Variants in NOA1 observed in about 807,000 individuals in gnomAD.
The protein encoded by NOA1 is nitric oxide-associated protein 1.
A neutral mutation model predicts 58.4 loss-of-function variants in NOA1; 35 were observed. The observed-to-expected ratio is 0.60, with a 90% CI of 0.46 to 0.79. NOA1 has a LOEUF of 0.79. Ranked by LOEUF, NOA1 falls within the 30% of genes least tolerant of loss-of-function variation. The pLI is 0.00. For missense variants in NOA1, 895 were observed against 894.6 expected (o/e 1.00, Z -0.01); for synonymous variants, 397 against 373.4 (o/e 1.06, Z -0.73).
Position 56,966,699 on chromosome 4 carries a change from T to C in NOA1, c.1685A>G (p.Asn562Ser). 3 of 1,613,864 alleles carry C rather than the reference T, an allele frequency of 1.9e-6. No individual in the cohort carries two copies. Among genetic ancestry groups the C allele is most frequent in the East Asian group, 2.2e-5 (1 of 44,872 alleles). Residue 562 changes from asparagine to serine, a missense_variant, in exon 5 of 7, where the codon AAC (asparagine) becomes AGC (serine). By Grantham distance (46) the Asn-to-Ser change is conservative. This residue lies in a region of NOA1 where 212 missense variants were observed against 221.3 expected (regional missense o/e 0.96). Coordinates refer to ENST00000264230, the MANE Select transcript of NOA1 (RefSeq NM_032313.4). ...QSAWFTVVAS[N>S]ILPVHITSLD... Reference sequence around the variant, plus strand: ...GGAGGTGATATGCACAGGGAGGATGTTGGAAGCCACGACTGTAAACCAAGC... The same window carrying C: ...GGAGGTGATATGCACAGGGAGGATGCTGGAAGCCACGACTGTAAACCAAGC...
Position 56,974,250 on chromosome 4 carries a change from T to C in NOA1, c.1145-228A>G, listed in dbSNP as rs535785098. Among the ~76,000 whole-genome samples the C allele has an allele frequency of 3.3e-5, 5 of 152,306 alleles. No homozygotes were observed. In the South Asian group the frequency reaches 1.0e-3, roughly 32 times the overall value. Reference sequence around the variant, plus strand: ...ATTTTTATCACATTACCATTCAGTATAAAAGTAATTTTTCTGTAAAATTCA... The same window carrying C: ...ATTTTTATCACATTACCATTCAGTACAAAAGTAATTTTTCTGTAAAATTCA... On this transcript the variant is annotated intron_variant, in intron 1 of 6. Coordinates refer to ENST00000264230, the MANE Select transcript of NOA1 (RefSeq NM_032313.4).
Position 56,964,489 on chromosome 4 carries a change from G to C in NOA1, c.1802C>G (p.Pro601Arg). ...CATAATGTCTTCAGCAACAAGAGGA[G>C]GAAATCCTGCCATTCGTTCTTTTCC... The part of the protein sequence containing the change: ...MGGKERMAGF[P>R]PLVAEDIMLK... Residue 601 changes from proline to arginine, a missense_variant, in exon 6 of 7, where the codon CCT (proline) becomes CGT (arginine). Pro to Arg is a moderately radical substitution (Grantham distance 103). Around this residue, in one of 3 missense-constraint regions of NOA1, gnomAD observed 212 missense variants for 221.3 expected, o/e 0.96. Transcript: ENST00000264230. 1 of 1,613,934 alleles carries C rather than the reference G, an allele frequency of 6.2e-7. No individual in the cohort carries two copies. The highest frequency in any genetic ancestry group is 1.1e-5 in the South Asian group (1 of 91,076).
chr4:56,975,205 T>C (rs1721881795), intron 1 of NOA1, among the ~76,000 whole-genome samples: 1 of 149,996 alleles, frequency 6.7e-6, no homozygotes, highest in Non-Finnish European at 1.5e-5. Flanking sequence ...GTATCTTTAG[T>C]AGAGACAGGG....
At chr4:56,971,216 G>A (rs1215572078) in intron 3 of NOA1, among the ~76,000 whole-genome samples, 1 of 151,310 alleles carries the variant, frequency 6.6e-6, no homozygotes, top group Non-Finnish European at 1.5e-5. Flanking sequence ...GAGAGGCTGA[G>A]GCAGGACAAT....
At position 56,977,313 on chromosome 4, in the gene NOA1, C is replaced by G. The variant is rs374787781; in HGVS notation, c.273G>C (p.Leu91=). The G allele has an allele frequency of 6.2e-7, 1 of 1,614,172 alleles. No individual in the cohort carries two copies. Among genetic ancestry groups the G allele is most frequent in the Non-Finnish European group, 8.5e-7 (1 of 1,180,036 alleles). The change falls in exon 1 of 7, where the codon CTG becomes CTC. Residue 91 remains leucine (L), a synonymous_variant. Transcript: ENST00000264230. The part of the protein sequence containing the change: ...PEPQPTREKQ[L]QELQQQQEEE... ...CCTCCTGCTGTTGCTGGAGCTCCTGCAGCTGCTTTTCGCGGGTGGGTTGCG... is the reference window on the plus strand; with the variant it reads ...CCTCCTGCTGTTGCTGGAGCTCCTGGAGCTGCTTTTCGCGGGTGGGTTGCG...
chr4:56,972,174 C>T (rs1456964214), intron 3 of NOA1, among the ~76,000 whole-genome samples: 1 of 152,256 alleles, frequency 6.6e-6, no homozygotes, highest in Non-Finnish European at 1.5e-5. Flanking sequence ...GCGTGAGCCA[C>T]TGCGCCCGGT....
In NOA1 at chr4:56,977,403, G is replaced by A. The variant is rs200429968; in HGVS notation, c.183C>T (p.Gly61=). ...CCTGCATGTCACCACCTTCTCCAAA[G>A]CCCTCCGTGTCCACGGGGTCATAAG... ...ELPYDPVDTE[G]FGEGGDMQER... Residue 61 remains glycine, a synonymous_variant, in exon 1 of 7, where the codon GGC becomes GGT. Transcript: ENST00000264230. The A allele has an allele frequency of 6.2e-7, 1 of 1,614,182 alleles. No individual in the cohort carries two copies. The highest frequency in any genetic ancestry group is 8.5e-7 in the Non-Finnish European group (1 of 1,180,034).
intron 6 of NOA1, 141 bp from the exon 7 acceptor site, chr4:56,963,802 T>C (rs770977624): frequency 1.3e-5 from 8 of 638,722 alleles, no homozygotes; most frequent in Non-Finnish European, 2.1e-5. Context: ...TTTAAGAAAC[T>C]GCGTCTTGCT....
At chr4:56,971,123 G>A (rs1373693739) in intron 3 of NOA1, among the ~76,000 whole-genome samples, 2 of 152,060 alleles carry the variant, frequency 1.3e-5, no homozygotes, top group Admixed American at 1.3e-4. Context: ...GACCAGCCTG[G>A]CCAACATGGC....
rs1252387422 is a variant in NOA1, at chr4:56,977,144, G to C, written c.442C>G (p.Leu148Val). ...GVNCSGCGAELHCQDAGVPGY... is the reference protein window; with the variant it reads ...GVNCSGCGAEVHCQDAGVPGY... ...GGCACTCCGGCGTCCTGGCAGTGCA[G>C]CTCTGCCCCACAGCCCGAGCAGTTC... Residue 148 changes from leucine (L) to valine (V), a missense_variant, in exon 1 of 7, where the codon CTG becomes GTG. Around this residue, in one of 3 missense-constraint regions of NOA1, gnomAD observed 680 missense variants for 656.5 expected, o/e 1.04. Transcript: ENST00000264230. 6.4e-7 allele frequency: 1 copy of C among 1,557,236 alleles called. No individual in the cohort carries two copies. The highest frequency in any genetic ancestry group is 1.4e-5 in the African/African-American group (1 of 73,686).
chr4:56,971,114 A>T (rs1313624930), intron 3 of NOA1, among the ~76,000 whole-genome samples: 3 of 152,036 alleles, frequency 2.0e-5, no homozygotes, highest in Non-Finnish European at 4.4e-5. Context: ...GGGGTTTGAG[A>T]CCAGCCTGGC....
chr4:56,968,875 G>T (rs1721763159), intron 3 of NOA1, among the ~76,000 whole-genome samples: 1 of 152,186 alleles, frequency 6.6e-6, no homozygotes, highest in Non-Finnish European at 1.5e-5. Flanking sequence ...AAGGCTTGTG[G>T]GCAGTAGCAA....
Position 56,963,577 on chromosome 4 carries a change from G to A in NOA1, c.1970C>T (p.Pro657Leu). The A allele has an allele frequency of 6.2e-7, 1 of 1,614,070 alleles. No homozygotes were observed. Among genetic ancestry groups the A allele is most frequent in the Non-Finnish European group, 8.5e-7 (1 of 1,180,016 alleles). The change falls in exon 7 of 7, where the codon CCC becomes CTC. Residue 657 changes from proline to leucine, a missense_variant. This residue lies in a region of NOA1 where 212 missense variants were observed against 221.3 expected (regional missense o/e 0.96). Coordinates refer to ENST00000264230, the MANE Select transcript of NOA1 (RefSeq NM_032313.4). ...TPEGTVLTVR[P>L]PLLPYIVNIK... The stretch of plus-strand genomic sequence containing the variant: ...GTTAACAATATATGGCAAGAGAGGG[G>A]GCCGGACGGTCAAAACTGTTCCTTC...
chr4:56,970,356 A>G (rs1347837835), intron 3 of NOA1, among the ~76,000 whole-genome samples: 3 of 151,834 alleles, frequency 2.0e-5, no homozygotes, highest in Non-Finnish European at 2.9e-5. Context: ...CTGTGGCCCT[A>G]GCTACTTGGG....
chr4:56,974,088 G>GCGACCACC, intron 1 of NOA1, 66 bp from the exon 2 acceptor site: 1 of 1,026,224 alleles, frequency 9.7e-7, no homozygotes, highest in Non-Finnish European at 1.4e-6. Flanking sequence ...GAACATTTTT[G>GCGACCACC]AGGATCTACA....
rs746975927 is a variant in NOA1, at chr4:56,976,869, G to A, written c.717C>T (p.Gly239=). The change falls in exon 1 of 7, where the codon GGC becomes GGT. Residue 239 remains glycine, a synonymous_variant. Transcript: ENST00000264230. ...TTCCCAGCACGATCAGCTGCTTGGGGCCCACCAGCGCGGGCAAGTCGGGCA... is the reference window on the plus strand; with the variant it reads ...TTCCCAGCACGATCAGCTGCTTGGGACCCACCAGCGCGGGCAAGTCGGGCA... The part of the protein sequence containing the change: ...ALLPDLPALV[G]PKQLIVLGNK... The A allele has an allele frequency of 3.1e-6, 5 of 1,613,116 alleles. No homozygotes were observed. The Admixed American group carries it at 5.0e-5, about 16-fold the overall frequency.
chr4:56,970,947 T>C (rs1721799936), intron 3 of NOA1, among the ~76,000 whole-genome samples: 1 of 152,210 alleles, frequency 6.6e-6, no homozygotes, highest in South Asian at 2.1e-4. Context: ...AATTCTTGCC[T>C]TTCTGACACA....
At position 56,968,379 on chromosome 4, in the gene NOA1, C is replaced by G. The variant is rs1193441375; in HGVS notation, c.1647+5G>C. On this transcript the variant is annotated splice_donor_5th_base_variant and intron_variant, in intron 4 of 6. Transcript: ENST00000264230. ...TCATTTTTTAATAGTACAGACTTTT[C>G]TTACCTGCAGGAAATCTATGCGGCC... The G allele has an allele frequency of 1.2e-6, 2 of 1,607,470 alleles. No individual in the cohort carries two copies. Among genetic ancestry groups the G allele is most frequent in the Non-Finnish European group, 8.5e-7 (1 of 1,178,680 alleles).
At chr4:56,968,996 C>T (rs1233468085) in intron 3 of NOA1, among the ~76,000 whole-genome samples, 2 of 152,168 alleles carry the variant, frequency 1.3e-5, no homozygotes, top group Non-Finnish European at 2.9e-5. Flanking sequence ...GGCTGAAGAA[C>T]CTCTTTCTAA....
Sources: gnomAD v4.1 joint callset for allele counts (sites outside exome capture counted in the v4.1 genomes callset) on GRCh38, gnomAD v4.1.1 for gene constraint, gnomAD v4.1.1 regional missense constraint, MANE v1.5 for transcripts, NCBI Gene and HGNC (gene_info 2026-07-23, HGNC 2026-07-21) for gene names.